Variants in ZNF644 observed in about 807,000 individuals in gnomAD.
ZNF644 encodes the protein zinc finger protein 644.
Under a neutral mutation model 108.0 loss-of-function variants are expected in ZNF644, and 20 were observed. The observed-to-expected ratio is 0.19, with a 90% confidence interval of 0.13 to 0.27. The LOEUF is 0.27. ZNF644 is among the 10% of genes least tolerant of loss of function. The pLI is 1.00. For synonymous variants in ZNF644, 542 were observed against 539.1 expected, an observed-to-expected ratio of 1.01 and a Z score of -0.08; for missense variants, 1,338 against 1,548.9, an observed-to-expected ratio of 0.86 and a Z score of 2.29.
At chr1:90,966,837 G>A (rs1401662067) in intron 2 of ZNF644, among the ~76,000 whole-genome samples, 3 of 151,560 alleles carry the variant, frequency 2.0e-5, no homozygotes, top group Admixed American at 6.6e-5. Context: ...GTAGCAGTAA[G>A]TAAGAGCTGA....
intron 2 of ZNF644, among the ~76,000 whole-genome samples, chr1:90,962,243 T>C (rs1254940455): frequency 2.6e-5 from 4 of 151,482 alleles, no homozygotes; most frequent in Non-Finnish European, 5.9e-5. Context: ...TATAAAGACA[T>C]TATTATTATT....
intron 1 of ZNF644, among the ~76,000 whole-genome samples, chr1:90,992,620 T>C (rs1305820652): frequency 1.3e-5 from 2 of 152,218 alleles, no homozygotes. Flanking sequence ...TACTGAAATA[T>C]GAGTTCAGAA....
At chr1:90,968,436 G>A (rs1267785822) in intron 2 of ZNF644, among the ~76,000 whole-genome samples, 1 of 152,040 alleles carries the variant, frequency 6.6e-6, no homozygotes, top group Non-Finnish European at 1.5e-5. Context: ...GTTTTGGGGG[G>A]GGAGCCTCTC....
intron 1 of ZNF644, among the ~76,000 whole-genome samples, chr1:91,000,214 C>T (rs1435293120): frequency 2.6e-5 from 4 of 152,318 alleles, no homozygotes; most frequent in African/African-American, 9.6e-5. Context: ...GAACTCTCCA[C>T]CCCAAATCAA....
chr1:90,937,039 T>C (rs1473299323), intron 4 of ZNF644, among the ~76,000 whole-genome samples: 3 of 152,116 alleles, frequency 2.0e-5, no homozygotes, highest in Non-Finnish European at 4.4e-5. Flanking sequence ...ACCTAAGCAG[T>C]GGAAAAACCA....
intron 2 of ZNF644, among the ~76,000 whole-genome samples, chr1:90,959,746 C>T (rs766507222): frequency 1.2e-4 from 18 of 152,094 alleles, no homozygotes; most frequent in Non-Finnish European, 2.4e-4. Flanking sequence ...GTAATGAATA[C>T]GCAGTGTTTT....
At chr1:91,015,467 C>A (rs1044734807) in intron 1 of ZNF644, among the ~76,000 whole-genome samples, 3 of 152,310 alleles carry the variant, frequency 2.0e-5, no homozygotes, top group Non-Finnish European at 2.9e-5. Context: ...ATACGCATAG[C>A]CACTCACCTT....
At chr1:90,950,309 C>G (rs528398072) in intron 2 of ZNF644, among the ~76,000 whole-genome samples, 883 of 3,940 alleles carry the variant, frequency 0.22, 45 homozygotes, top group Middle Eastern at 0.62. Flanking sequence ...GGGGAGGGGA[C>G]AAAAGAAAAG....
intron 4 of ZNF644, among the ~76,000 whole-genome samples, chr1:90,937,146 T>A (rs1570372701): frequency 6.6e-6 from 1 of 152,112 alleles, no homozygotes; most frequent in Non-Finnish European, 1.5e-5. Context: ...AACATCAACC[T>A]CCCATCCACA....
chr1:90,925,783 G>A (rs1470768118), intron 4 of ZNF644, among the ~76,000 whole-genome samples: 1 of 152,084 alleles, frequency 6.6e-6, no homozygotes, highest in Non-Finnish European at 1.5e-5. Context: ...TGCTACAATG[G>A]TGTAACTCTT....
intron 1 of ZNF644, among the ~76,000 whole-genome samples, chr1:91,017,410 G>A (rs1433438996): frequency 6.6e-6 from 1 of 152,160 alleles, no homozygotes; most frequent in Non-Finnish European, 1.5e-5. Context: ...AAATCTCCCA[G>A]AAACGCTAAT....
At chr1:90,944,932 G>T (rs1039393472) in intron 2 of ZNF644, among the ~76,000 whole-genome samples, 8 of 152,234 alleles carry the variant, frequency 5.3e-5, no homozygotes, top group African/African-American at 1.7e-4. Context: ...AATTGATACA[G>T]AATTTTAACA....
chr1:91,006,186 A>T (rs1261187131), intron 1 of ZNF644, among the ~76,000 whole-genome samples: 1 of 152,238 alleles, frequency 6.6e-6, no homozygotes, highest in Non-Finnish European at 1.5e-5. Context: ...AACTGACTAA[A>T]GATGACATAG....
chr1:90,918,098 G>A lies in ZNF644; in HGVS notation c.3745C>T (p.Leu1249=). 2 of 1,614,072 alleles carry A rather than the reference G, an allele frequency of 1.2e-6. No homozygotes were observed. Among genetic ancestry groups the A allele is most frequent in the Non-Finnish European group, 1.7e-6 (2 of 1,179,986 alleles). Residue 1249 remains leucine, a synonymous_variant, in exon 5 of 6, where the codon CTA becomes TTA. Transcript: ENST00000337393. ...RSRSGSKKKM[L]TLPHGADEVY... ...TCGTCAGCACCATGAGGTAATGTTA[G>A]CATTTTCTTCTTGCTTCCAGATCTT...
intron 4 of ZNF644, among the ~76,000 whole-genome samples, chr1:90,933,234 T>C (rs1286398694): frequency 6.6e-6 from 1 of 152,196 alleles, no homozygotes; most frequent in Admixed American, 6.5e-5. Flanking sequence ...GATATTTGCA[T>C]AATCTGCTTG....
chr1:90,982,329 C>T lies in ZNF644; in HGVS notation c.25G>A (p.Val9Ile), dbSNP rs1656633302. MRSFLQQD[V>I]NKTKSRLNVL... ...ACTTACCTAGATTTTGTCTTATTAA[C>T]ATCTTGCTGCAAGAACGATCTCATC... Residue 9 changes from valine (V) to isoleucine (I), a missense_variant, in exon 2 of 6, where the codon GTT becomes ATT. By Grantham distance (29) the Val-to-Ile change is conservative. Coordinates refer to ENST00000337393, the MANE Select transcript of ZNF644 (RefSeq NM_201269.3). 1.2e-6 allele frequency: 2 copies of T among 1,610,612 alleles called. No individual in the cohort carries two copies. Among genetic ancestry groups the T allele is most frequent in the Non-Finnish European group, 1.7e-6 (2 of 1,179,052 alleles).
At chr1:90,973,593 C>T (rs962712148) in intron 2 of ZNF644, among the ~76,000 whole-genome samples, 3 of 151,834 alleles carry the variant, frequency 2.0e-5, no homozygotes, top group African/African-American at 7.3e-5. Context: ...TATTTTTAAT[C>T]CATCAGACAA....
chr1:90,958,704 C>T (rs1296521138), intron 2 of ZNF644, among the ~76,000 whole-genome samples: 1 of 152,144 alleles, frequency 6.6e-6, no homozygotes, highest in African/African-American at 2.4e-5. Context: ...AGTGCCAAGA[C>T]CATTCAATGG....
chr1:90,974,375 T>G (rs374131665), intron 2 of ZNF644, among the ~76,000 whole-genome samples: 1 of 152,162 alleles, frequency 6.6e-6, no homozygotes, highest in African/African-American at 2.4e-5. Context: ...CGCTGATGAT[T>G]CTCACATCTC....
Sources: allele counts gnomAD v4.1 joint callset (sites outside exome capture counted in the v4.1 genomes callset), GRCh38; gene constraint gnomAD v4.1.1; transcripts MANE v1.5; gene names NCBI Gene and HGNC (gene_info 2026-07-23, HGNC 2026-07-21).